Variants in UPF3B observed in about 807,000 individuals in gnomAD.
UPF3B encodes UPF3B regulator of nonsense mediated mRNA decay.
UPF3B carries 7 observed loss-of-function variants against 40.3 expected under a neutral mutation model. The ratio of observed to expected loss-of-function variants is 0.17; its 90% CI spans 0.10 to 0.33. The LOEUF is 0.33. UPF3B is among the 10% of genes least tolerant of loss of function. UPF3B has a pLI of 1.00. For missense variants in UPF3B, 229 were observed against 358.9 expected (o/e 0.64, Z 2.93); for synonymous variants, 117 against 117.3 (o/e 1.00, Z 0.01).
chrX:119,821,036 T>G (rs1376854487), intron 4 of UPF3B, among the ~76,000 whole-genome samples: 1 of 111,442 alleles, frequency 9.0e-6, no homozygotes, highest in Non-Finnish European at 1.9e-5. Flanking sequence ...TCCCCAGTGT[T>G]GTAGGTGGGG....
chrX:119,838,172 T>C (rs1336640483), intron 9 of UPF3B, 121 bp from the exon 10 acceptor site: 1 of 984,302 alleles, frequency 1.0e-6, no homozygotes, highest in Non-Finnish European at 1.4e-6. Flanking sequence ...GAGTGAAAAA[T>C]ACTAGTGTTT....
At chrX:119,811,644 C>CAAAAAA (rs1310033912) in intron 5 of UPF3B, among the ~76,000 whole-genome samples, 1 of 70,932 alleles carries the variant, frequency 1.4e-5, no homozygotes, top group African/African-American at 5.6e-5. Context: ...GACTCAGTCT[C>CAAAAAA]AAAAAAAAAA....
chrX:119,824,576 G>A (rs890888179), intron 3 of UPF3B, among the ~76,000 whole-genome samples: 2 of 110,332 alleles, frequency 1.8e-5, no homozygotes, highest in Non-Finnish European at 3.8e-5. Flanking sequence ...TTCTCTTAAG[G>A]CCAACTCCTC....
intron 4 of UPF3B, among the ~76,000 whole-genome samples, chrX:119,822,664 G>C (rs1401559993): frequency 1.8e-5 from 2 of 110,979 alleles, no homozygotes; most frequent in Non-Finnish European, 3.8e-5. Flanking sequence ...CTAGAGTGCA[G>C]TGGCACGATC....
At chrX:119,824,764 C>CTTTTTTTTTTT (rs11351287) in intron 3 of UPF3B, among the ~76,000 whole-genome samples, 2 of 65,630 alleles carry the variant, frequency 3.0e-5, no homozygotes, top group African/African-American at 1.3e-4. Context: ...CCATTTCTTT[C>CTTTTTTTTTTT]TTTTTTTTTT....
intron 3 of UPF3B, among the ~76,000 whole-genome samples, chrX:119,825,228 G>A (rs896385330): frequency 1.2e-4 from 13 of 111,622 alleles, no homozygotes; most frequent in African/African-American, 4.2e-4. Flanking sequence ...AAGGGAAAGC[G>A]GGCATGTCTT....
intron 6 of UPF3B, among the ~76,000 whole-genome samples, chrX:119,805,606 T>C (rs1387972541): frequency 9.0e-6 from 1 of 111,098 alleles, no homozygotes; most frequent in African/African-American, 3.3e-5. Context: ...AGGGCTAATA[T>C]CCAGAATCTA....
chrX:119,842,160 G>A (rs2056168051), intron 5 of UPF3B, among the ~76,000 whole-genome samples: 1 of 111,317 alleles, frequency 9.0e-6, no homozygotes, highest in Admixed American at 9.6e-5. Context: ...TCCACTTCTG[G>A]GAATTTATTC....
rs757401131 is a variant in UPF3B, at chrX:119,849,358, G to A, written c.370+2137C>T. On this transcript the variant is annotated intron_variant, in intron 3 of 10. Transcript: ENST00000276201. ...ATTACAAAAATTAGCTGGGCGTGGCGGCACACACCTGTAATCCCAGCTAAG... is the reference window on the plus strand; with the variant it reads ...ATTACAAAAATTAGCTGGGCGTGGCAGCACACACCTGTAATCCCAGCTAAG... Among the ~76,000 whole-genome samples, 219 of 109,535 alleles carry A rather than the reference G, an allele frequency of 2.0e-3. 2 individuals are homozygous for A. The highest frequency in any genetic ancestry group is 6.9e-3 in the African/African-American group (207 of 30,055).
intron 5 of UPF3B, chrX:119,815,079 TG>T: frequency 5.7e-6 from 1 of 176,440 alleles, no homozygotes; most frequent in Non-Finnish European, 9.0e-6. Flanking sequence ...TTGACCAGGC[TG>T]GTCTCAAACT....
At chrX:119,821,319 A>G (rs1401481460) in intron 4 of UPF3B, among the ~76,000 whole-genome samples, 1 of 112,422 alleles carries the variant, frequency 8.9e-6, no homozygotes, top group African/African-American at 3.2e-5. Flanking sequence ...TTTCTTATAA[A>G]CTACCCAGTC....
intron 5 of UPF3B, among the ~76,000 whole-genome samples, chrX:119,811,395 C>G (rs2055826700): frequency 9.1e-6 from 1 of 110,335 alleles, no homozygotes; most frequent in Admixed American, 9.6e-5. Context: ...ACCTGTAATC[C>G]CAGCACTTTG....
intron 5 of UPF3B, among the ~76,000 whole-genome samples, chrX:119,842,661 A>AC (rs2056181761): frequency 9.1e-6 from 1 of 109,678 alleles, no homozygotes; most frequent in African/African-American, 3.3e-5. Context: ...GCAAGCAAAA[A>AC]AAACAAACAA....
downstream of UPF3B, among the ~76,000 whole-genome samples, chrX:119,829,060 C>T (rs1328630307): frequency 9.0e-6 from 1 of 111,130 alleles, no homozygotes; most frequent in Non-Finnish European, 1.9e-5. Flanking sequence ...CTCACTCTGT[C>T]TCCCAGGCTG....
chrX:119,852,816 T>A lies in UPF3B; in HGVS notation c.113A>T (p.Asp38Val). 3 of 1,212,474 alleles carry A rather than the reference T, an allele frequency of 2.5e-6. No individual in the cohort carries two copies. Among genetic ancestry groups the A allele is most frequent in the Non-Finnish European group, 2.2e-6 (2 of 895,665 alleles). Residue 38 changes from aspartate (D) to valine (V), a missense_variant, in exon 1 of 11, where the codon GAT (aspartate) becomes GTT (valine). Physicochemically the swap from Asp to Val is radical, Grantham distance 152. Transcript: ENST00000276201. Reference protein sequence around the residue: ...GTSGDSSKGEDKQDRNKEKKE... With the variant: ...GTSGDSSKGEVKQDRNKEKKE... The stretch of plus-strand genomic sequence containing the variant: ...CTTCTCCTTGTTGCGATCCTGCTTA[T>A]CTTCCCCCTTGGAGCTGTCCCCCGA...
chrX:119,820,816 G>A (rs976205790), intron 4 of UPF3B, among the ~76,000 whole-genome samples: 2 of 111,220 alleles, frequency 1.8e-5, no homozygotes, highest in Non-Finnish European at 3.8e-5. Flanking sequence ...TGGCTCATGC[G>A]TATAATCCCA....
intron 3 of UPF3B, among the ~76,000 whole-genome samples, chrX:119,827,132 C>T (rs1360447445): frequency 9.0e-6 from 1 of 111,535 alleles, no homozygotes; most frequent in Admixed American, 9.6e-5. Context: ...AACCATTAGG[C>T]ATCTACCTCA....
Position 119,837,942 on chromosome X carries a change from G to T in UPF3B, c.1117C>A (p.Arg373Ser), listed in dbSNP as rs373472438. The change falls in exon 10 of 11, where the codon CGC (arginine) becomes AGC (serine). Residue 373 changes from arginine to serine, a missense_variant. Transcript: ENST00000276201. Reference protein sequence around the residue: ...RERLKRQEEERRRQKERYEKE... With the variant: ...RERLKRQEEESRRQKERYEKE... ...TCATAGCGCTCCTTCTGCCTACGGC[G>T]CTCTTCTTCTTGCCGCTTCAGCCTC... The T allele has an allele frequency of 8.3e-7, 1 of 1,207,857 alleles. No individual in the cohort carries two copies. Among genetic ancestry groups the T allele is most frequent in the East Asian group, 3.0e-5 (1 of 33,752 alleles).
chrX:119,846,579 TTTTA>T (rs2056237171), intron 3 of UPF3B, among the ~76,000 whole-genome samples: 2 of 107,475 alleles, frequency 1.9e-5, no homozygotes, highest in African/African-American at 6.7e-5. Context: ...ATATATATTA[TTTTA>T]TTTGTCAATT....
Sources: allele counts gnomAD v4.1 joint callset (sites outside exome capture counted in the v4.1 genomes callset), GRCh38; gene constraint gnomAD v4.1.1; transcripts MANE v1.5; gene names NCBI Gene and HGNC (gene_info 2026-07-23, HGNC 2026-07-21).